The following ADCY1 variants were observed in gnomAD, a reference collection of about 807,000 sequenced individuals.
The protein encoded by ADCY1 is adenylate cyclase type 1.
ADCY1 carries 28 observed loss-of-function variants against 105.4 expected under a neutral mutation model. That is an observed-to-expected ratio of 0.27 (90% CI 0.20 to 0.36). ADCY1 has a LOEUF of 0.36. ADCY1 is among the 10% of genes least tolerant of loss of function. ADCY1 has a pLI of 1.00. For missense variants in ADCY1, 977 were observed against 1,434.2 expected (o/e 0.68, Z 5.15); for synonymous variants, 655 against 623.8 (o/e 1.05, Z -0.75).
At chr7:45,611,769 C>T (rs1159749145) in intron 3 of ADCY1, among the ~76,000 whole-genome samples, 2 of 151,866 alleles carry the variant, frequency 1.3e-5, no homozygotes, top group African/African-American at 4.8e-5. Context: ...GGGATTAATG[C>T]TTTACATAAA....
intron 2 of ADCY1, among the ~76,000 whole-genome samples, chr7:45,606,033 G>A (rs1240571217): frequency 6.6e-6 from 1 of 152,192 alleles, no homozygotes; most frequent in Non-Finnish European, 1.5e-5. Context: ...AGAAGTTTAG[G>A]CTCCACACTG....
At chr7:45,597,893 A>C (rs2058993427) in intron 2 of ADCY1, among the ~76,000 whole-genome samples, 1 of 152,162 alleles carries the variant, frequency 6.6e-6, no homozygotes, top group African/African-American at 2.4e-5. Flanking sequence ...GGTTTACCTG[A>C]ATTGTCAGTG....
chr7:45,650,870 GC>G (rs1262360607), intron 5 of ADCY1, among the ~76,000 whole-genome samples: 1 of 151,910 alleles, frequency 6.6e-6, no homozygotes, highest in Non-Finnish European at 1.5e-5. Flanking sequence ...TCTGCACCTG[GC>G]CTGGAGCTGC....
At chr7:45,614,477 C>T (rs1286131403) in intron 3 of ADCY1, among the ~76,000 whole-genome samples, 1 of 151,822 alleles carries the variant, frequency 6.6e-6, no homozygotes, top group Non-Finnish European at 1.5e-5. Flanking sequence ...GAGAGGAAAA[C>T]ACAAATAAAG....
At chr7:45,678,935 C>T (rs1584326262) in intron 10 of ADCY1, among the ~76,000 whole-genome samples, 1 of 152,100 alleles carries the variant, frequency 6.6e-6, no homozygotes, top group East Asian at 1.9e-4. Flanking sequence ...AGAAACTGCA[C>T]TTAATGAGCT....
chr7:45,634,482 A>G (rs941479881), intron 4 of ADCY1, among the ~76,000 whole-genome samples: 4 of 144,504 alleles, frequency 2.8e-5, no homozygotes, highest in Non-Finnish European at 6.0e-5. Context: ...ATTCTTTTGC[A>G]TCTATTGGAA....
chr7:45,595,021 A>C (rs1482857299), intron 2 of ADCY1, among the ~76,000 whole-genome samples: 1 of 152,210 alleles, frequency 6.6e-6, no homozygotes, highest in African/African-American at 2.4e-5. Flanking sequence ...CATGTTCTGC[A>C]GTGTTCTCAG....
Position 45,717,607 on chromosome 7 carries a change from T to G in ADCY1, c.*3612T>G, listed in dbSNP as rs910964984. ...GCCCCACACCCACCTCAGCCCTTGC[T>G]TGGCCATGCTGTGGCCCTTTGGAAA... is the stretch of plus-strand genomic sequence containing the variant. On this transcript the variant is annotated 3_prime_UTR_variant, in exon 20 of 20. Transcript: ENST00000297323. The G allele has an allele frequency of 6.6e-6, 1 of 152,306 alleles. No individual in the cohort carries two copies. Among genetic ancestry groups the G allele is most frequent in the Non-Finnish European group, 1.5e-5 (1 of 68,084 alleles). The allele number at this position is 152,306 out of a possible 1,614,324, so 9.4% of individuals were successfully genotyped here. A position where few individuals can be genotyped will look rare whatever the true frequency, so the allele number is the denominator to read the frequency against.
At chr7:45,673,688 T>A (rs1784402912) in intron 8 of ADCY1, among the ~76,000 whole-genome samples, 3 of 152,004 alleles carry the variant, frequency 2.0e-5, no homozygotes, top group Admixed American at 2.0e-4. Context: ...ATTTGCCAAC[T>A]TGATTGATAA....
At chr7:45,711,582 C>T (rs1296226144) in intron 19 of ADCY1, among the ~76,000 whole-genome samples, 1 of 143,400 alleles carries the variant, frequency 7.0e-6, no homozygotes, top group Non-Finnish European at 1.5e-5. Context: ...GCCATCACCA[C>T]CATCCACCTC....
intron 4 of ADCY1, among the ~76,000 whole-genome samples, chr7:45,623,584 C>T (rs1005629439): frequency 1.3e-5 from 2 of 152,204 alleles, no homozygotes; most frequent in African/African-American, 4.8e-5. Flanking sequence ...GCATCGATAT[C>T]CTACCCCTCG....
chr7:45,696,669 C>G lies in ADCY1; in HGVS notation c.2455-6707C>G, dbSNP rs181638676. 1.3e-5 allele frequency among the ~76,000 whole-genome samples: 2 copies of G among 152,262 alleles called. 1 individual carries two copies. Among genetic ancestry groups the G allele is most frequent in the East Asian group, 3.9e-4 (2 of 5,168 alleles). ...GACCGTTCAGCTTCAGAGTGCTCCC[C>G]CGTAGGATGGCCTCCCTCACATTCT... On this transcript the variant is annotated intron_variant, in intron 14 of 19. Transcript: ENST00000297323.
intron 4 of ADCY1, among the ~76,000 whole-genome samples, chr7:45,646,443 C>T (rs1164168828): frequency 6.6e-6 from 1 of 152,200 alleles, no homozygotes; most frequent in Non-Finnish European, 1.5e-5. Flanking sequence ...GGACAGGACA[C>T]GGTCCTTTCT....
chr7:45,617,620 AAAAG>A (rs1793772309), intron 3 of ADCY1, among the ~76,000 whole-genome samples: 1 of 152,260 alleles, frequency 6.6e-6, no homozygotes, highest in African/African-American at 2.4e-5. Context: ...TACTAGCTGA[AAAAG>A]AAGTCTAGAA....
intron 1 of ADCY1, among the ~76,000 whole-genome samples, chr7:45,586,154 C>T (rs1584248803): frequency 6.6e-6 from 1 of 152,162 alleles, no homozygotes; most frequent in African/African-American, 2.4e-5. Context: ...CCCTCCTAAG[C>T]TGACCTCGCG....
At chr7:45,669,481 T>A (rs1016147032) in intron 8 of ADCY1, among the ~76,000 whole-genome samples, 1 of 152,264 alleles carries the variant, frequency 6.6e-6, no homozygotes, top group African/African-American at 2.4e-5. Context: ...TTGATTGCAC[T>A]GTGGTCTGAG....
chr7:45,643,113 CTTTTTTTTTT>C (rs528070607), intron 4 of ADCY1, among the ~76,000 whole-genome samples: 1 of 109,130 alleles, frequency 9.2e-6, no homozygotes, highest in Non-Finnish European at 2.0e-5. Flanking sequence ...TGTTTTCTGT[CTTTTTTTTTT>C]TTTTTTTTAA....
In ADCY1 at chr7:45,719,131, C is replaced by G. The variant is rs1395297955; in HGVS notation, c.*5136C>G. 6.5e-6 allele frequency: 1 copy of G among 153,038 alleles called. No individual in the cohort carries two copies. The highest frequency in any genetic ancestry group is 1.5e-5 in the Non-Finnish European group (1 of 68,390). 9.5% of individuals were successfully genotyped at this position (153,038 alleles called of 1,614,324 possible). ...CAGGGCTGTGAAGGCAGAGGGGTCT[C>G]TGGAGGCAGACAGGGTGGGCTGGGG... On this transcript the variant is annotated 3_prime_UTR_variant, in exon 20 of 20. Transcript: ENST00000297323.
chr7:45,650,809 A>G (rs922282794), intron 5 of ADCY1, among the ~76,000 whole-genome samples: 4 of 152,098 alleles, frequency 2.6e-5, no homozygotes, highest in Admixed American at 2.6e-4. Context: ...GTTTCTGCAG[A>G]CGTGCCTCTT....
Sources: gnomAD v4.1 joint callset for allele counts (sites outside exome capture counted in the v4.1 genomes callset) on GRCh38, gnomAD v4.1.1 for gene constraint, MANE v1.5 for transcripts, NCBI Gene and HGNC (gene_info 2026-07-23, HGNC 2026-07-21) for gene names.